The following LRRC37A2 variants were observed in gnomAD, a reference collection of about 807,000 sequenced individuals.
LRRC37A2 encodes leucine-rich repeat-containing protein 37A2.
LRRC37A2 carries 9 observed loss-of-function variants against 68.8 expected under a neutral mutation model. The ratio of observed to expected loss-of-function variants is 0.13; its 90% CI spans 0.08 to 0.23. The LOEUF (loss-of-function observed/expected upper bound fraction) is 0.23, where lower values mean the gene tolerates loss of function less well. Ranked by LOEUF, LRRC37A2 falls within the 10% of genes least tolerant of loss-of-function variation. The pLI, the probability that LRRC37A2 is intolerant of heterozygous loss-of-function variation, is 1.00. For missense variants in LRRC37A2, 168 were observed against 950.4 expected (o/e 0.18, Z 10.82); for synonymous variants, 63 against 367.6 (o/e 0.17, Z 9.48).
chr17:46,811,297 G>A, the LRRC37A2 span, among the ~76,000 whole-genome samples: 1 of 152,148 alleles, frequency 6.6e-6, no homozygotes, highest in Admixed American at 6.6e-5. Flanking sequence ...TATGGGAAAT[G>A]CTGATGTCAA....
the LRRC37A2 span, among the ~76,000 whole-genome samples, chr17:46,950,671 A>T: frequency 0.44 from 66,370 of 151,890 alleles, 14,968 homozygotes; most frequent in East Asian, 0.55. Flanking sequence ...GGGCTGCCCC[A>T]CCATCCTGCC....
At chr17:46,860,015 T>C in the LRRC37A2 span, among the ~76,000 whole-genome samples, 2 of 151,980 alleles carry the variant, frequency 1.3e-5, no homozygotes, top group African/African-American at 4.8e-5. Flanking sequence ...AAAAACATAG[T>C]TGGAGGGAAG....
the LRRC37A2 span, among the ~76,000 whole-genome samples, chr17:46,950,959 G>A: frequency 6.6e-6 from 1 of 152,176 alleles, no homozygotes; most frequent in South Asian, 2.1e-4. Context: ...ATCCAGTGCT[G>A]CTGCCCAGGG....
the LRRC37A2 span, among the ~76,000 whole-genome samples, chr17:46,760,560 G>A: frequency 6.6e-6 from 1 of 150,872 alleles, no homozygotes; most frequent in Admixed American, 6.6e-5. Context: ...CTTGAGCCCA[G>A]GAGGTCAAGG....
chr17:46,721,340 C>A, the LRRC37A2 span, among the ~76,000 whole-genome samples: 1 of 151,854 alleles, frequency 6.6e-6, no homozygotes, highest in Non-Finnish European at 1.5e-5. Flanking sequence ...GAGTAGACTT[C>A]CCGTTATTTC....
the LRRC37A2 span, among the ~76,000 whole-genome samples, chr17:46,719,194 G>A: frequency 6.6e-6 from 1 of 152,130 alleles, no homozygotes; most frequent in Non-Finnish European, 1.5e-5. The surrounding 1 kb of genome is among the most constrained non-coding windows in gnomAD (Gnocchi z 4.3). Flanking sequence ...TTTTCAAAAT[G>A]TTTTGCAATG....
the LRRC37A2 span, among the ~76,000 whole-genome samples, chr17:46,994,778 TTGGGGCTTCTTCC>T: frequency 6.0e-5 from 9 of 151,080 alleles, no homozygotes; most frequent in African/African-American, 2.2e-4. Flanking sequence ...TTTCTTGCCA[TTGGGGCTTCTTCC>T]TGGGTTAATG....
chr17:46,941,203 A>G, the LRRC37A2 span: 1 of 1,000,986 alleles, frequency 1.0e-6, no homozygotes, highest in Non-Finnish European at 1.2e-6. Context: ...TCCAAGACCA[A>G]GTAAGTTAGA....
At chr17:46,770,481 G>A in the LRRC37A2 span, among the ~76,000 whole-genome samples, 1 of 152,252 alleles carries the variant, frequency 6.6e-6, no homozygotes, top group Non-Finnish European at 1.5e-5. Flanking sequence ...AGGTCTGTAA[G>A]GAGGGAGGCC....
At chr17:47,000,702 C>T in the LRRC37A2 span, among the ~76,000 whole-genome samples, 1 of 152,142 alleles carries the variant, frequency 6.6e-6, no homozygotes, top group Non-Finnish European at 1.5e-5. Flanking sequence ...CTTGCAGCAT[C>T]TGATGATACA....
At chr17:46,503,221 A>G in the LRRC37A2 span, among the ~76,000 whole-genome samples, 4 of 131,396 alleles carry the variant, frequency 3.0e-5, no homozygotes, top group Non-Finnish European at 6.5e-5. Flanking sequence ...CAAAAAAAAA[A>G]AAAAATAGTC....
At chr17:46,744,068 C>G in the LRRC37A2 span, among the ~76,000 whole-genome samples, 3 of 152,126 alleles carry the variant, frequency 2.0e-5, no homozygotes, top group Admixed American at 6.5e-5. Flanking sequence ...TAGATAACCC[C>G]CCTCCAGGAA....
At chr17:46,904,647 C>T in the LRRC37A2 span, among the ~76,000 whole-genome samples, 4 of 151,992 alleles carry the variant, frequency 2.6e-5, no homozygotes, top group African/African-American at 9.7e-5. Flanking sequence ...TGGAGCTCAC[C>T]ATCTCTCATG....
chr17:46,534,798 C>T (rs1246734477), intron 6 of LRRC37A2, among the ~76,000 whole-genome samples: 5 of 147,558 alleles, frequency 3.4e-5, no homozygotes, highest in Admixed American at 1.3e-4. Flanking sequence ...CCCCACCTCC[C>T]GGAGGGGGCG....
chr17:46,875,253 G>A, the LRRC37A2 span: 24 of 1,614,190 alleles, frequency 1.5e-5, no homozygotes, highest in South Asian at 3.3e-5. Context: ...GGGCGTGTGC[G>A]GTGACAACCT....
chr17:46,770,768 G>T, the LRRC37A2 span, among the ~76,000 whole-genome samples: 1 of 152,202 alleles, frequency 6.6e-6, no homozygotes, highest in Non-Finnish European at 1.5e-5. Flanking sequence ...CCAGCGCAGG[G>T]AAAGGAGAGA....
At chr17:46,838,610 G>C in the LRRC37A2 span, among the ~76,000 whole-genome samples, 2 of 152,112 alleles carry the variant, frequency 1.3e-5, no homozygotes, top group Non-Finnish European at 2.9e-5. Context: ...CTGGGCGACA[G>C]AGCGAGACCC....
chr17:46,896,064 G>A, the LRRC37A2 span, among the ~76,000 whole-genome samples: 3 of 151,900 alleles, frequency 2.0e-5, no homozygotes, highest in Non-Finnish European at 4.4e-5. Context: ...AGATCATGAG[G>A]TCAGGAGATC....
At chr17:46,783,057 T>C in the LRRC37A2 span, among the ~76,000 whole-genome samples, 1 of 152,064 alleles carries the variant, frequency 6.6e-6, no homozygotes, top group Non-Finnish European at 1.5e-5. Context: ...TAGGGGCTAG[T>C]TCATTCTCTC....
Sources: allele counts gnomAD v4.1 joint callset (sites outside exome capture counted in the v4.1 genomes callset), GRCh38; gene constraint gnomAD v4.1.1; non-coding constraint Gnocchi (gnomAD v3.1); transcripts MANE v1.5; gene names NCBI Gene and HGNC (gene_info 2026-07-23, HGNC 2026-07-21).